Variants in CXADR observed in about 807,000 individuals in gnomAD.
The protein encoded by CXADR is CXADR cell adhesion molecule.
In CXADR, 20 loss-of-function variants were observed where a neutral mutation model predicts 40.3. That is an observed-to-expected ratio of 0.50 (90% CI 0.35 to 0.72). The LOEUF is 0.72. Among genes scored for constraint, CXADR ranks in the 30% least tolerant of loss-of-function variants. The pLI is 0.01. For missense variants in CXADR, 332 were observed against 449.1 expected (o/e 0.74, Z 2.36); for synonymous variants, 150 against 161.3 (o/e 0.93, Z 0.53).
intron 2 of CXADR, among the ~76,000 whole-genome samples, chr21:17,548,724 C>T (rs986641321): frequency 6.6e-6 from 1 of 152,220 alleles, no homozygotes; most frequent in African/African-American, 2.4e-5. Flanking sequence ...GCACTGTGCC[C>T]TGAGCCATTA....
Position 17,561,377 on chromosome 21 carries a change from G to A in CXADR, c.734G>A (p.Gly245Glu), listed in dbSNP as rs760582039. ...GGACTAATTGCAGGAGCCATTATAGGAACTTTGCTTGCTCTAGCGCTCATT... is the reference window on the plus strand; with the variant it reads ...GGACTAATTGCAGGAGCCATTATAGAAACTTTGCTTGCTCTAGCGCTCATT... ...KAGLIAGAII[G>E]TLLALALIGL... The change falls in exon 6 of 7, where the codon GGA becomes GAA. Residue 245 changes from glycine (G) to glutamate (E), a missense_variant. Coordinates refer to ENST00000284878, the MANE Select transcript of CXADR (RefSeq NM_001338.5). 3.7e-6 allele frequency: 6 copies of A among 1,605,224 alleles called. No homozygotes were observed. The highest frequency in any genetic ancestry group is 5.1e-6 in the Non-Finnish European group (6 of 1,175,934).
At chr21:17,521,921 T>C (rs1179219388) in intron 1 of CXADR, among the ~76,000 whole-genome samples, 1 of 152,228 alleles carries the variant, frequency 6.6e-6, no homozygotes, top group Non-Finnish European at 1.5e-5. Context: ...TGTTATCCCA[T>C]CTATTATATC....
At chr21:17,592,078 G>C (rs566172506) in intron 7 of CXADR, among the ~76,000 whole-genome samples, 1 of 152,020 alleles carries the variant, frequency 6.6e-6, no homozygotes, top group Admixed American at 6.6e-5. Context: ...CAAAACTAGT[G>C]GTTTCCCCAA....
the CXADR span, among the ~76,000 whole-genome samples, chr21:17,627,248 C>CA: frequency 6.6e-6 from 1 of 152,106 alleles, no homozygotes; most frequent in Non-Finnish European, 1.5e-5. Flanking sequence ...CCCCACTACT[C>CA]AGGAGGCTGA....
chr21:17,586,528 T>C (rs1448541163), intron 7 of CXADR, among the ~76,000 whole-genome samples: 1 of 151,082 alleles, frequency 6.6e-6, no homozygotes, highest in African/African-American at 2.4e-5. Context: ...CTCAAACTTC[T>C]GGCCTCAAGC....
At chr21:17,551,465 G>A (rs184007437) in intron 2 of CXADR, among the ~76,000 whole-genome samples, 1 of 152,110 alleles carries the variant, frequency 6.6e-6, no homozygotes, top group Non-Finnish European at 1.5e-5. Flanking sequence ...TTACTAAATT[G>A]CTCTCTAGGA....
chr21:17,560,130 C>G (rs748841452), intron 4 of CXADR, among the ~76,000 whole-genome samples: 50 of 152,146 alleles, frequency 3.3e-4, no homozygotes, highest in Non-Finnish European at 4.7e-4. Flanking sequence ...GTGACACTAA[C>G]TAGAAAGTTA....
At chr21:17,614,130 A>T in the CXADR span, 73 of 151,852 alleles carry the variant, frequency 4.8e-4, no homozygotes, top group African/African-American at 1.7e-3. Context: ...CTCTTCTAGG[A>T]CTTAGTCTAC....
intron 7 of CXADR, among the ~76,000 whole-genome samples, chr21:17,586,341 T>G (rs139985616): frequency 6.4e-4 from 95 of 149,426 alleles, no homozygotes; most frequent in African/African-American, 2.1e-3. Context: ...CTTCCAATAT[T>G]TCCCAAAGCT....
At chr21:17,592,112 GAACT>G (rs1176545480) in intron 7 of CXADR, among the ~76,000 whole-genome samples, 3 of 151,912 alleles carry the variant, frequency 2.0e-5, no homozygotes, top group African/African-American at 7.2e-5. Flanking sequence ...TTAATCGTCA[GAACT>G]AATTAAGGAG....
chr21:17,593,584 T>C (rs1942154549), downstream of CXADR: 1 of 163,830 alleles, frequency 6.1e-6, no homozygotes, highest in South Asian at 2.0e-4. Context: ...TTTTGCTATT[T>C]AGTTAAATAC....
In CXADR at chr21:17,552,785, T is replaced by C. The variant is rs557279633; in HGVS notation, c.415+832T>C. Among the ~76,000 whole-genome samples the C allele has an allele frequency of 8.5e-5, 13 of 152,308 alleles. No individual in the cohort carries two copies. The South Asian group carries it at 2.5e-3, about 29-fold the overall frequency. On this transcript the variant is annotated intron_variant, in intron 3 of 6. Coordinates refer to ENST00000284878, the MANE Select transcript of CXADR (RefSeq NM_001338.5). ...TTCATAGGAAAAGCTGATGCTAGAATTGTCTAGCATGACTGGAAATAACTG... is the reference window on the plus strand; with the variant it reads ...TTCATAGGAAAAGCTGATGCTAGAACTGTCTAGCATGACTGGAAATAACTG...
At chr21:17,594,225 A>T (rs2061473065), downstream of CXADR, 1 of 1,613,410 alleles carries the variant, frequency 6.2e-7, no homozygotes, top group Non-Finnish European at 8.5e-7. Context: ...AACCAAATGG[A>T]ACAGGAGGAG....
chr21:17,539,705 C>G (rs558632002), intron 1 of CXADR, among the ~76,000 whole-genome samples: 1 of 152,136 alleles, frequency 6.6e-6, no homozygotes, highest in South Asian at 2.1e-4. Flanking sequence ...TATTAATGTA[C>G]ATAATTTTTT....
chr21:17,568,016 G>A lies in CXADR; in HGVS notation c.*2324G>A. 5.1e-6 allele frequency: 5 copies of A among 983,488 alleles called. No individual in the cohort carries two copies. Among genetic ancestry groups the A allele is most frequent in the Non-Finnish European group, 6.0e-6 (5 of 829,508 alleles). The allele number at this position is 983,488 out of a possible 1,614,324, so 60.9% of individuals were successfully genotyped here. A position where few individuals can be genotyped will look rare whatever the true frequency, so the allele number is the denominator to read the frequency against. ...TCAAGTAGTTCTCACTGATAATTTA[G>A]TTGAACCAGAGATCAAATATTTGCT... On this transcript the variant is annotated 3_prime_UTR_variant, in exon 7 of 7. Coordinates refer to ENST00000284878, the MANE Select transcript of CXADR (RefSeq NM_001338.5).
chr21:17,537,832 C>G (rs1330306006), intron 1 of CXADR, among the ~76,000 whole-genome samples: 1 of 151,726 alleles, frequency 6.6e-6, no homozygotes, highest in African/African-American at 2.4e-5. Context: ...TGAAATAGTC[C>G]CTGGAGGCAG....
chr21:17,521,593 G>A (rs930171342), intron 1 of CXADR, among the ~76,000 whole-genome samples: 2 of 152,192 alleles, frequency 1.3e-5, no homozygotes, highest in African/African-American at 4.8e-5. Context: ...AAAGTGCTGG[G>A]ATTATAGGCG....
At chr21:17,561,557 C>T in intron 6 of CXADR, 81 bp downstream of exon 6, 1 of 1,210,134 alleles carries the variant, frequency 8.3e-7, no homozygotes, top group Admixed American at 2.6e-5. Flanking sequence ...TTATTAACCA[C>T]CCAAAGCATC....
At chr21:17,570,281 G>A (rs577687147), downstream of CXADR, among the ~76,000 whole-genome samples, 1 of 152,230 alleles carries the variant, frequency 6.6e-6, no homozygotes, top group Non-Finnish European at 1.5e-5. Flanking sequence ...CAAGCATACA[G>A]ACCATTATCT....
Sources: allele counts gnomAD v4.1 joint callset (sites outside exome capture counted in the v4.1 genomes callset), GRCh38; gene constraint gnomAD v4.1.1; transcripts MANE v1.5; gene names NCBI Gene and HGNC (gene_info 2026-07-23, HGNC 2026-07-21).